DCBLD2: variants seen among roughly 807,000 people sequenced by gnomAD.
The protein encoded by DCBLD2 is discoidin, CUB and LCCL domain containing 2, also known as discoidin, CUB and LCCL domain-containing protein 2.
Under a neutral mutation model 86.8 loss-of-function variants are expected in DCBLD2, and 54 were observed. The ratio of observed to expected loss-of-function variants is 0.62; its 90% CI spans 0.50 to 0.78. The LOEUF (loss-of-function observed/expected upper bound fraction) is 0.78. Among genes scored for constraint, DCBLD2 ranks in the 30% least tolerant of loss-of-function variants. The pLI is 0.00. For missense variants in DCBLD2, 908 were observed against 954.2 expected (o/e 0.95, Z 0.64); for synonymous variants, 354 against 341.3 (o/e 1.04, Z -0.41).
chr3:98,900,918 C>A, intron 1 of DCBLD2: 1 of 912,520 alleles, frequency 1.1e-6, no homozygotes, highest in Non-Finnish European at 1.6e-6. Flanking sequence ...ATGGCCTTGC[C>A]AAAAAGTAAA....
At chr3:98,834,142 CTTTTTTT>C (rs10588325) in intron 3 of DCBLD2, among the ~76,000 whole-genome samples, 2 of 124,916 alleles carry the variant, frequency 1.6e-5, no homozygotes, top group Admixed American at 8.1e-5. Flanking sequence ...GAGTTGTTTT[CTTTTTTT>C]TTTTTTTTTT....
chr3:98,857,266 T>C (rs1559788305), intron 2 of DCBLD2, among the ~76,000 whole-genome samples: 1 of 152,196 alleles, frequency 6.6e-6, no homozygotes, highest in African/African-American at 2.4e-5. Context: ...TTACAGCTCA[T>C]AAAGGCAGTG....
chr3:98,870,501 C>T (rs1314739648), intron 2 of DCBLD2, among the ~76,000 whole-genome samples: 2 of 151,618 alleles, frequency 1.3e-5, no homozygotes, highest in African/African-American at 4.9e-5. Context: ...GATATGATGG[C>T]ACACACCTGT....
intron 1 of DCBLD2, among the ~76,000 whole-genome samples, chr3:98,885,283 T>C (rs1363872840): frequency 1.3e-5 from 2 of 152,098 alleles, no homozygotes; most frequent in African/African-American, 4.8e-5. Flanking sequence ...ATGAACAAAT[T>C]TGAATGCTTT....
At chr3:98,804,947 G>A (rs1941802555) in intron 13 of DCBLD2, 1 of 152,284 alleles carries the variant, frequency 6.6e-6, no homozygotes, top group Non-Finnish European at 1.5e-5. Flanking sequence ...ATTTGCTGAT[G>A]AGTGCTTTAC....
chr3:98,878,513 C>T (rs543127272), intron 2 of DCBLD2, among the ~76,000 whole-genome samples: 1 of 152,308 alleles, frequency 6.6e-6, no homozygotes, highest in East Asian at 1.9e-4. Context: ...AAAAAAGATT[C>T]AGTGACATTA....
At chr3:98,866,681 C>A (rs1403263223) in intron 2 of DCBLD2, among the ~76,000 whole-genome samples, 2 of 152,136 alleles carry the variant, frequency 1.3e-5, no homozygotes, top group Non-Finnish European at 2.9e-5. Flanking sequence ...ATGGTAGTTT[C>A]TTTTGCTGTG....
chr3:98,825,279 CAA>C (rs11341324), intron 4 of DCBLD2, 34 bp downstream of exon 4: 104,628 of 1,209,112 alleles, frequency 0.087, 3 homozygotes, highest in East Asian at 0.16. Context: ...AACATTTAAG[CAA>C]AAAAAAAAAA....
intron 9 of DCBLD2, chr3:98,812,729 T>C: frequency 3.1e-6 from 1 of 319,224 alleles, no homozygotes; most frequent in South Asian, 4.7e-5. Flanking sequence ...ATTTAAGAAC[T>C]TAACAAGAGG....
At chr3:98,883,697 T>C (rs1368595236) in intron 1 of DCBLD2, among the ~76,000 whole-genome samples, 3 of 152,186 alleles carry the variant, frequency 2.0e-5, no homozygotes, top group East Asian at 1.9e-4. Context: ...GATGAATATA[T>C]GCTTTTAAAA....
chr3:98,853,009 G>A (rs530893925), intron 2 of DCBLD2, among the ~76,000 whole-genome samples: 1 of 152,136 alleles, frequency 6.6e-6, no homozygotes, highest in Non-Finnish European at 1.5e-5. Flanking sequence ...CAGATCCATG[G>A]GAAGTGAGAT....
chr3:98,813,252 G>A (rs1305992139), intron 9 of DCBLD2: 1 of 152,046 alleles, frequency 6.6e-6, no homozygotes, highest in African/African-American at 2.4e-5. Flanking sequence ...CAACATGTGT[G>A]GCAATATTTA....
chr3:98,875,795 A>C (rs898510622), intron 2 of DCBLD2, among the ~76,000 whole-genome samples: 5 of 152,206 alleles, frequency 3.3e-5, no homozygotes, highest in African/African-American at 1.2e-4. Flanking sequence ...ATTTCAAACC[A>C]CTGGGACAAA....
chr3:98,812,446 G>A lies in DCBLD2; in HGVS notation c.1249C>T (p.Arg417Cys), dbSNP rs375337622. The A allele has an allele frequency of 2.2e-5, 35 of 1,612,968 alleles. No homozygotes were observed. Among genetic ancestry groups the A allele is most frequent in the Non-Finnish European group, 2.6e-5 (31 of 1,179,490 alleles). Residue 417 changes from arginine (R) to cysteine (C), a missense_variant, in exon 10 of 16, where the codon CGT becomes TGT. This residue lies in a region of DCBLD2 where 606 missense variants were observed against 678.5 expected (regional missense o/e 0.89). Coordinates refer to ENST00000326840, the MANE Select transcript of DCBLD2 (RefSeq NM_080927.4). ...ATAATTGGTGGCAAAAAGTTATTAC[G>A]CACATCCTGGTGATAATCTTTGTTT... The part of the protein sequence containing the change: ...QGNKDYHQDV[R>C]NNFLPPIIAR...
intron 3 of DCBLD2, among the ~76,000 whole-genome samples, chr3:98,830,887 C>T (rs1095914): frequency 0.98 from 149,684 of 152,294 alleles, 73,616 homozygotes; most frequent in Middle Eastern, 1. Flanking sequence ...TGTTTTTCCA[C>T]TTGTTTGTGT....
chr3:98,869,882 T>G (rs1943226150), intron 2 of DCBLD2, among the ~76,000 whole-genome samples: 1 of 152,224 alleles, frequency 6.6e-6, no homozygotes, highest in Admixed American at 6.5e-5. Context: ...TGGCTGAGAT[T>G]TTATTTTGTA....
At chr3:98,802,141 A>T (rs1941733863) in intron 13 of DCBLD2, among the ~76,000 whole-genome samples, 1 of 152,226 alleles carries the variant, frequency 6.6e-6, no homozygotes, top group Admixed American at 6.5e-5. Context: ...ACTGTCTTCC[A>T]CAATGGTTGA....
intron 4 of DCBLD2, among the ~76,000 whole-genome samples, chr3:98,823,610 T>C (rs565878889): frequency 1.4e-5 from 2 of 143,934 alleles, no homozygotes; most frequent in African/African-American, 5.2e-5. Context: ...AAACCAATAC[T>C]TACACAAATA....
chr3:98,832,566 G>A (rs1942342206), intron 3 of DCBLD2, among the ~76,000 whole-genome samples: 1 of 152,142 alleles, frequency 6.6e-6, no homozygotes, highest in African/African-American at 2.4e-5. Context: ...TTTCCTAGTG[G>A]TGTTTTAATG....
Sources: gnomAD v4.1 joint callset for allele counts (sites outside exome capture counted in the v4.1 genomes callset) on GRCh38, gnomAD v4.1.1 for gene constraint, gnomAD v4.1.1 regional missense constraint, MANE v1.5 for transcripts, NCBI Gene and HGNC (gene_info 2026-07-23, HGNC 2026-07-21) for gene names.